The following UNC13C variants were observed in gnomAD, a reference collection of about 807,000 sequenced individuals.
The protein encoded by UNC13C is unc-13 homolog C.
A neutral mutation model predicts 245.4 loss-of-function variants in UNC13C; 174 were observed. That is an observed-to-expected ratio of 0.71 (90% CI 0.63 to 0.80). The LOEUF (loss-of-function observed/expected upper bound fraction) is 0.80. Among genes scored for constraint, UNC13C ranks in the 30% least tolerant of loss-of-function variants. The pLI, the probability that UNC13C is intolerant of heterozygous loss-of-function variation, is 0.00. For missense variants in UNC13C, 2,829 were observed against 2,602.9 expected, an observed-to-expected ratio of 1.09 and a Z score of -1.89; for synonymous variants, 992 against 895.1, an observed-to-expected ratio of 1.11 and a Z score of -1.93.
At chr15:54,435,549 G>A (rs1378254685) in intron 19 of UNC13C, among the ~76,000 whole-genome samples, 1 of 151,530 alleles carries the variant, frequency 6.6e-6, no homozygotes, top group Non-Finnish European at 1.5e-5. Context: ...AACACAGGGA[G>A]GAGAACATCA....
At chr15:54,261,990 T>A (rs2036439555) in intron 8 of UNC13C, among the ~76,000 whole-genome samples, 1 of 152,220 alleles carries the variant, frequency 6.6e-6, no homozygotes, top group Non-Finnish European at 1.5e-5. Context: ...AGATATTCTA[T>A]AATAACAGCA....
chr15:54,205,688 A>C (rs578217914), intron 4 of UNC13C, among the ~76,000 whole-genome samples: 2 of 152,166 alleles, frequency 1.3e-5, no homozygotes, highest in African/African-American at 4.8e-5. Flanking sequence ...TGATGTTTAA[A>C]AGCATTGTCC....
intron 2 of UNC13C, among the ~76,000 whole-genome samples, chr15:54,062,347 A>G (rs572138614): frequency 6.6e-6 from 1 of 151,274 alleles, no homozygotes; most frequent in African/African-American, 2.4e-5. Context: ...AAAAATCTCC[A>G]TCCTCTGTGT....
At chr15:54,154,475 T>C (rs570304737) in intron 4 of UNC13C, among the ~76,000 whole-genome samples, 4 of 152,282 alleles carry the variant, frequency 2.6e-5, no homozygotes, top group East Asian at 1.9e-4. Flanking sequence ...AACAATGAGC[T>C]GAAACTAACA....
intron 4 of UNC13C, among the ~76,000 whole-genome samples, chr15:54,171,337 T>C (rs2033390439): frequency 6.6e-6 from 1 of 151,958 alleles, no homozygotes; most frequent in Non-Finnish European, 1.5e-5. Flanking sequence ...GGAGAAAATA[T>C]TTGCAAACTA....
intron 24 of UNC13C, among the ~76,000 whole-genome samples, chr15:54,519,475 G>A (rs1895124429): frequency 6.6e-6 from 1 of 152,122 alleles, no homozygotes. Flanking sequence ...TTGAAGCACA[G>A]TGACAGTTGG....
intron 2 of UNC13C, among the ~76,000 whole-genome samples, chr15:54,122,167 C>G (rs1421907366): frequency 1.3e-5 from 2 of 151,390 alleles, no homozygotes; most frequent in Non-Finnish European, 3.0e-5. Flanking sequence ...CTTTGGGGCA[C>G]TTTGTTAAAT....
At chr15:53,929,208 C>A in the UNC13C span, among the ~76,000 whole-genome samples, 3 of 152,220 alleles carry the variant, frequency 2.0e-5, no homozygotes, top group East Asian at 1.9e-4. Flanking sequence ...ACCATCAGAT[C>A]TTGTGAGACT....
At chr15:54,222,578 T>C (rs867329082) in intron 4 of UNC13C, among the ~76,000 whole-genome samples, 5 of 152,082 alleles carry the variant, frequency 3.3e-5, no homozygotes, top group African/African-American at 4.8e-5. Context: ...CTCTTCAGTA[T>C]ACTGATTTCC....
At chr15:54,120,318 T>G (rs961606304) in intron 2 of UNC13C, among the ~76,000 whole-genome samples, 1 of 152,192 alleles carries the variant, frequency 6.6e-6, no homozygotes, top group African/African-American at 2.4e-5. Context: ...GGAATTATGC[T>G]GAGTCTACTC....
the UNC13C span, among the ~76,000 whole-genome samples, chr15:53,963,301 G>C: frequency 6.6e-6 from 1 of 152,154 alleles, no homozygotes; most frequent in Admixed American, 6.5e-5. Flanking sequence ...AACTTATACT[G>C]AGACTTTTGT....
chr15:53,858,447 G>A, the UNC13C span, among the ~76,000 whole-genome samples: 1 of 148,590 alleles, frequency 6.7e-6, no homozygotes, highest in Non-Finnish European at 1.5e-5. Context: ...TTGAGATGGT[G>A]TCTCGCTCTG....
intron 4 of UNC13C, among the ~76,000 whole-genome samples, chr15:54,210,475 T>G (rs2034846531): frequency 6.6e-6 from 1 of 152,024 alleles, no homozygotes; most frequent in Non-Finnish European, 1.5e-5. Context: ...AAGCATTTAT[T>G]ATAAAAATCT....
At chr15:54,091,847 C>T (rs1899591875) in intron 2 of UNC13C, among the ~76,000 whole-genome samples, 1 of 152,070 alleles carries the variant, frequency 6.6e-6, no homozygotes, top group Middle Eastern at 3.2e-3. Context: ...CTGCTTCCAG[C>T]ATTTTCTCGT....
rs3985777 is a variant in UNC13C at position 54,628,412 on chromosome 15, T to TAAGTA, written c.*1300_*1304dup. On this transcript the variant is annotated 3_prime_UTR_variant, in exon 33 of 33. Coordinates refer to ENST00000260323, the MANE Select transcript of UNC13C (RefSeq NM_001080534.3). ...TTGTGAACAAGCTGATCTAATACGTTAAGTACAGAAGTGCTTAGTATCATG... is the reference window on the plus strand; with the variant it reads ...TTGTGAACAAGCTGATCTAATACGTTAAGTAAAGTACAGAAGTGCTTAGTATCATG... The TAAGTA allele has an allele frequency of 0.4, 61,378 of 151,832 alleles. 15,095 individuals are homozygous for TAAGTA. The highest frequency in any genetic ancestry group is 0.59 in the East Asian group (3,019 of 5,110). The allele number at this position is 151,832 out of a possible 1,614,324, so 9.4% of individuals were successfully genotyped here. A position where few individuals can be genotyped will look rare whatever the true frequency, so the allele number is the denominator to read the frequency against.
At chr15:54,349,690 A>G (rs191522809) in intron 17 of UNC13C, among the ~76,000 whole-genome samples, 101 of 152,344 alleles carry the variant, frequency 6.6e-4, no homozygotes, top group African/African-American at 2.3e-3. Context: ...TCAGTTGGCA[A>G]GTAAGCCGGG....
chr15:54,412,728 T>C (rs942759685), intron 18 of UNC13C, among the ~76,000 whole-genome samples: 1 of 152,190 alleles, frequency 6.6e-6, no homozygotes, highest in Non-Finnish European at 1.5e-5. Flanking sequence ...TAGAAAACCA[T>C]GTTGTCTGTG....
At position 54,014,205 on chromosome 15, in the gene UNC13C, G is replaced by A. The variant is rs375488462; in HGVS notation, c.1302G>A (p.Leu434=). 3 of 1,613,808 alleles carry A rather than the reference G, an allele frequency of 1.9e-6. No homozygotes were observed. Among genetic ancestry groups the A allele is most frequent in the African/African-American group, 2.7e-5 (2 of 74,928 alleles). Residue 434 remains leucine, a synonymous_variant, in exon 2 of 33, where the codon TTG becomes TTA. Transcript: ENST00000260323. ...SQTYESMAIK[L]STPEPKIKKN... The stretch of plus-strand genomic sequence containing the variant: ...CATATGAGAGCATGGCTATAAAGTT[G>A]TCTACTCCAGAGCCAAAAATCAAGA...
At chr15:54,445,642 TG>T (rs1234837171) in intron 19 of UNC13C, among the ~76,000 whole-genome samples, 1 of 152,232 alleles carries the variant, frequency 6.6e-6, no homozygotes, top group Non-Finnish European at 1.5e-5. Context: ...TTGATGGGGT[TG>T]TTTTTTTCTT....
Sources: allele counts gnomAD v4.1 joint callset (sites outside exome capture counted in the v4.1 genomes callset), GRCh38; gene constraint gnomAD v4.1.1; transcripts MANE v1.5; gene names NCBI Gene and HGNC (gene_info 2026-07-23, HGNC 2026-07-21).